The following TMEM108 variants were observed in gnomAD, a reference collection of about 807,000 sequenced individuals.
TMEM108 encodes the protein cancer/testis antigen 124.
In TMEM108, 12 loss-of-function variants were observed where a neutral mutation model predicts 35.1. The ratio of observed to expected loss-of-function variants is 0.34; its 90% CI spans 0.22 to 0.55. The LOEUF is 0.55. TMEM108 is among the 20% of genes least tolerant of loss of function. The probability of loss-of-function intolerance (pLI) is 0.89; values close to 1 mark genes in which losing one functional copy is unlikely to be tolerated. For missense variants in TMEM108, 680 were observed against 753.3 expected, an observed-to-expected ratio of 0.90 and a Z score of 1.14; for synonymous variants, 287 against 308.6, an observed-to-expected ratio of 0.93 and a Z score of 0.73.
chr3:133,143,347 A>G (rs776841772), intron 2 of TMEM108, among the ~76,000 whole-genome samples: 19 of 152,146 alleles, frequency 1.2e-4, no homozygotes, highest in Non-Finnish European at 2.2e-4. Context: ...TCCAGATTTC[A>G]TAGATTAATG....
intron 3 of TMEM108, among the ~76,000 whole-genome samples, chr3:133,304,097 CATG>C (rs1947268354): frequency 6.6e-6 from 1 of 152,170 alleles, no homozygotes; most frequent in Admixed American, 6.5e-5. Context: ...TGTTGGCTGT[CATG>C]ATGTTTAAAT....
At chr3:133,166,611 C>T (rs1024573079) in intron 2 of TMEM108, among the ~76,000 whole-genome samples, 15 of 151,674 alleles carry the variant, frequency 9.9e-5, no homozygotes, top group African/African-American at 2.2e-4. Flanking sequence ...GCTCTTAAAG[C>T]GGCGTGTCTG....
intron 2 of TMEM108, among the ~76,000 whole-genome samples, chr3:133,133,058 A>G (rs1400283993): frequency 2.0e-5 from 3 of 152,358 alleles, no homozygotes; most frequent in Admixed American, 2.0e-4. Context: ...ATGAGCAAAG[A>G]AAGTGGTTTC....
In TMEM108 at chr3:133,229,090, G is replaced by T. The variant is rs115300536; in HGVS notation, c.-46-176G>T. Reference sequence around the variant, plus strand: ...CAGGGTTCGACCAGTTGATTAGTTGGTAATTTTATAACATACACCATTGTA... The same window carrying T: ...CAGGGTTCGACCAGTTGATTAGTTGTTAATTTTATAACATACACCATTGTA... On this transcript the variant is annotated intron_variant, in intron 2 of 5. Coordinates refer to ENST00000321871, the MANE Select transcript of TMEM108 (RefSeq NM_023943.4). Among the ~76,000 whole-genome samples the T allele has an allele frequency of 2.7e-3, 411 of 152,212 alleles. 4 individuals carry two copies. Among genetic ancestry groups the T allele is most frequent in the African/African-American group, 9.4e-3 (391 of 41,532 alleles).
intron 3 of TMEM108, chr3:133,246,994 T>C (rs1024152821): frequency 2.0e-5 from 3 of 152,224 alleles, no homozygotes; most frequent in Admixed American, 6.5e-5. Flanking sequence ...CTCTCTGCTA[T>C]GGACATTAGC....
intron 3 of TMEM108, among the ~76,000 whole-genome samples, chr3:133,251,487 AG>A (rs2107668546): frequency 6.6e-6 from 1 of 152,312 alleles, no homozygotes; most frequent in African/African-American, 2.4e-5. Context: ...ACTTAACATA[AG>A]AAAAGTTTGT....
intron 2 of TMEM108, among the ~76,000 whole-genome samples, chr3:133,136,636 T>C (rs1401915641): frequency 1.3e-5 from 2 of 152,198 alleles, no homozygotes; most frequent in Non-Finnish European, 2.9e-5. Flanking sequence ...TGTGTCAGCC[T>C]GAAACCTGAA....
intron 3 of TMEM108, among the ~76,000 whole-genome samples, chr3:133,365,665 C>G (rs1294025567): frequency 6.6e-6 from 1 of 152,194 alleles, no homozygotes; most frequent in Non-Finnish European, 1.5e-5. Context: ...CACTTCCAAG[C>G]TTAGCCTGGA....
At chr3:133,041,556 A>G (rs1016953326) in intron 1 of TMEM108, among the ~76,000 whole-genome samples, 1 of 152,212 alleles carries the variant, frequency 6.6e-6, no homozygotes, top group Non-Finnish European at 1.5e-5. Flanking sequence ...TCTGAAAGCC[A>G]TAACTGTTTA....
intron 3 of TMEM108, among the ~76,000 whole-genome samples, chr3:133,288,573 A>G (rs1341775440): frequency 6.6e-6 from 1 of 152,096 alleles, no homozygotes; most frequent in Non-Finnish European, 1.5e-5. Context: ...GTGTACCTTT[A>G]TGTTGTGGAA....
chr3:133,140,891 AAAT>A (rs1463403134), intron 2 of TMEM108, among the ~76,000 whole-genome samples: 1 of 152,074 alleles, frequency 6.6e-6, no homozygotes, highest in Non-Finnish European at 1.5e-5. Context: ...AAAAATTTTA[AAAT>A]ATGTGCACAT....
rs1215621977 is a variant in TMEM108, at chr3:133,315,238, T to G, written c.41-64514T>G. Among the ~76,000 whole-genome samples the G allele has an allele frequency of 3.9e-5, 6 of 152,310 alleles. No individual in the cohort carries two copies. The South Asian group carries it at 1.2e-3, about 32-fold the overall frequency. The stretch of plus-strand genomic sequence containing the variant: ...TTTTTATGGTTGAAGAAGTAACCAG[T>G]GGTTCAGTAACTTGCCTAAGATCAC... On this transcript the variant is annotated intron_variant, in intron 3 of 5. Coordinates refer to ENST00000321871, the MANE Select transcript of TMEM108 (RefSeq NM_023943.4).
chr3:133,194,283 CT>C (rs1214001460), intron 2 of TMEM108, among the ~76,000 whole-genome samples: 3 of 152,076 alleles, frequency 2.0e-5, no homozygotes, highest in East Asian at 1.9e-4. Context: ...TTAACCTTAT[CT>C]TTTTTCCCCA....
chr3:133,050,556 T>G (rs547187289), intron 2 of TMEM108, among the ~76,000 whole-genome samples: 1 of 152,202 alleles, frequency 6.6e-6, no homozygotes, highest in Admixed American at 6.5e-5. Flanking sequence ...ATATTCTTGG[T>G]GTTGTACATT....
chr3:133,339,177 A>G (rs182785090), intron 3 of TMEM108, among the ~76,000 whole-genome samples: 26 of 147,828 alleles, frequency 1.8e-4, no homozygotes, highest in African/African-American at 5.5e-4. Context: ...TGAGTGGATT[A>G]AAAAAAAAAC....
intron 2 of TMEM108, among the ~76,000 whole-genome samples, chr3:133,114,014 C>T (rs1242623708): frequency 6.6e-6 from 1 of 152,166 alleles, no homozygotes; most frequent in African/African-American, 2.4e-5. Context: ...TGAAAGTAGC[C>T]TGCATTTGCA....
At chr3:133,226,379 G>T (rs1332806976) in intron 2 of TMEM108, among the ~76,000 whole-genome samples, 1 of 152,144 alleles carries the variant, frequency 6.6e-6, no homozygotes, top group Non-Finnish European at 1.5e-5. Context: ...AGCTTTGCAG[G>T]ACCATTTAAA....
chr3:133,389,311 A>G, intron 4 of TMEM108: 2 of 985,502 alleles, frequency 2.0e-6, no homozygotes, highest in Non-Finnish European at 2.4e-6. Flanking sequence ...TGCTCAGTCA[A>G]GCTGTGTGGA....
At chr3:133,291,966 G>A (rs932638040) in intron 3 of TMEM108, among the ~76,000 whole-genome samples, 1 of 152,174 alleles carries the variant, frequency 6.6e-6, no homozygotes, top group Non-Finnish European at 1.5e-5. Context: ...ATCTGCAGTG[G>A]TTCCCAACCC....
Sources: allele counts gnomAD v4.1 joint callset (sites outside exome capture counted in the v4.1 genomes callset), GRCh38; gene constraint gnomAD v4.1.1; transcripts MANE v1.5; gene names NCBI Gene and HGNC (gene_info 2026-07-23, HGNC 2026-07-21).